MMRN1: variants seen among roughly 807,000 people sequenced by gnomAD.
MMRN1 encodes the protein multimerin 1.
MMRN1 carries 94 observed loss-of-function variants against 100.7 expected under a neutral mutation model. That is an observed-to-expected ratio of 0.93 (90% CI 0.79 to 1.11). The LOEUF is 1.11. Ranked by LOEUF, MMRN1 falls within the 50% of genes least tolerant of loss-of-function variation. The pLI is 0.00. For missense variants in MMRN1, 1,606 were observed against 1,439.1 expected, an observed-to-expected ratio of 1.12 and a Z score of -1.88; for synonymous variants, 575 against 505.0, an observed-to-expected ratio of 1.14 and a Z score of -1.86.
Position 89,953,684 on chromosome 4 carries a change from T to C in MMRN1, c.*266T>C. On this transcript the variant is annotated 3_prime_UTR_variant, in exon 8 of 8. Transcript: ENST00000264790. ...GTTAGCATAATTATTCCTATTCTTA[T>C]TTCTTCATTTTAAGTCATTGCAATG... 1 of 283,974 alleles carries C rather than the reference T, an allele frequency of 3.5e-6. No homozygotes were observed. 17.6% of individuals were successfully genotyped at this position (283,974 alleles called of 1,614,324 possible).
At chr4:89,889,600 A>G (rs1305516366) in intron 1 of MMRN1, among the ~76,000 whole-genome samples, 2 of 152,020 alleles carry the variant, frequency 1.3e-5, no homozygotes, top group African/African-American at 4.8e-5. Flanking sequence ...AGCATTGTTG[A>G]TTGTTCACTG....
chr4:89,893,262 A>G (rs930059418), upstream of MMRN1, among the ~76,000 whole-genome samples: 4 of 152,110 alleles, frequency 2.6e-5, no homozygotes, highest in Admixed American at 2.0e-4. Context: ...TTTTTACTCC[A>G]TATCAGAGTC....
chr4:89,917,088 C>T (rs1345198193), intron 3 of MMRN1, among the ~76,000 whole-genome samples: 1 of 151,422 alleles, frequency 6.6e-6, no homozygotes, highest in Non-Finnish European at 1.5e-5. Context: ...CCCACACATC[C>T]TCGTGTGTGT....
chr4:89,889,523 C>A (rs145554255), intron 1 of MMRN1, among the ~76,000 whole-genome samples: 1 of 152,092 alleles, frequency 6.6e-6, no homozygotes, highest in Non-Finnish European at 1.5e-5. Context: ...TTCGAACAAG[C>A]CAGTCACATC....
chr4:89,916,908 C>G (rs993709994), intron 3 of MMRN1, among the ~76,000 whole-genome samples: 2 of 151,676 alleles, frequency 1.3e-5, no homozygotes, highest in African/African-American at 2.4e-5. Context: ...AACTTTGATG[C>G]TCTTCATTTG....
intron 3 of MMRN1, among the ~76,000 whole-genome samples, chr4:89,916,592 T>G (rs906111696): frequency 1.3e-5 from 2 of 151,704 alleles, no homozygotes; most frequent in African/African-American, 4.8e-5. Flanking sequence ...TACTGAGGAA[T>G]GAATCATCAA....
At chr4:89,909,089 T>C (rs10433954) in intron 1 of MMRN1, among the ~76,000 whole-genome samples, 187 bp from the exon 2 acceptor site, 12,411 of 151,512 alleles carry the variant, frequency 0.082, 922 homozygotes, top group East Asian at 0.3. Flanking sequence ...TTATAGTCCC[T>C]GAGTACAGCA....
Position 89,912,009 on chromosome 4 carries a change from G to A in MMRN1, c.809G>A (p.Arg270Lys), listed in dbSNP as rs1302263899. 6.2e-7 allele frequency: 1 copy of A among 1,603,288 alleles called. No homozygotes were observed. Among genetic ancestry groups the A allele is most frequent in the Non-Finnish European group, 8.5e-7 (1 of 1,173,870 alleles). ...QHKIVTSLDW[R>K]CCPGYSGPKC... is the part of the protein sequence containing the mutation. ...AAAATTGTCACCTCATTGGATTGGA[G>A]GTGCTGTCCTGGATACAGTGGGCCG... The change falls in exon 3 of 8, where the codon AGG (arginine) becomes AAG (lysine). Residue 270 changes from arginine (R) to lysine (K), a missense_variant. Transcript: ENST00000264790.
At chr4:89,879,520 G>T (rs574684138), upstream of MMRN1, 1 of 152,218 alleles carries the variant, frequency 6.6e-6, no homozygotes, top group Non-Finnish European at 1.5e-5. Context: ...TGAATATTTG[G>T]AGACAGCCTA....
At chr4:89,881,872 T>C (rs1389770537) in intron 1 of MMRN1, among the ~76,000 whole-genome samples, 1 of 152,058 alleles carries the variant, frequency 6.6e-6, no homozygotes, top group Admixed American at 6.6e-5. Context: ...TTAACTATTA[T>C]TGAAAATATT....
At chr4:89,886,042 G>A (rs996253006) in intron 1 of MMRN1, among the ~76,000 whole-genome samples, 1 of 147,188 alleles carries the variant, frequency 6.8e-6, no homozygotes, top group African/African-American at 2.5e-5. Flanking sequence ...ACTATGCCTG[G>A]CTAATTTTTT....
intron 6 of MMRN1, among the ~76,000 whole-genome samples, chr4:89,944,273 A>G (rs891450008): frequency 2.0e-5 from 3 of 152,158 alleles, no homozygotes; most frequent in Non-Finnish European, 4.4e-5. Context: ...GATAACATCC[A>G]AGAAGTAAAA....
rs548803913 is a variant in MMRN1 at position 89,933,923 on chromosome 4, T to C, written c.1130-887T>C. Among the ~76,000 whole-genome samples the C allele has an allele frequency of 2.0e-5, 3 of 152,320 alleles. No homozygotes were observed. The East Asian group carries it at 5.8e-4, about 29-fold the overall frequency. ...TCTAGTATATGTATCTTTTCTGTTT[T>C]CTTTGTATGCAAGTTTTTTTATATT... On this transcript the variant is annotated intron_variant, in intron 5 of 7. Transcript: ENST00000264790.
intron 6 of MMRN1, among the ~76,000 whole-genome samples, chr4:89,938,333 A>T (rs1192735255): frequency 6.6e-6 from 1 of 151,168 alleles, no homozygotes; most frequent in Non-Finnish European, 1.5e-5. Flanking sequence ...ATGTTCTTAA[A>T]ATAACAATTT....
intron 5 of MMRN1, among the ~76,000 whole-genome samples, chr4:89,929,765 A>G (rs1299226818): frequency 6.6e-6 from 1 of 152,184 alleles, no homozygotes; most frequent in Non-Finnish European, 1.5e-5. Flanking sequence ...GAGGGCTTGT[A>G]GTTAATGAAT....
intron 3 of MMRN1, among the ~76,000 whole-genome samples, chr4:89,918,308 A>T (rs1721985595): frequency 6.6e-6 from 1 of 151,666 alleles, no homozygotes. Flanking sequence ...AAGCTGAAAA[A>T]GGATTGGCAT....
intron 5 of MMRN1, among the ~76,000 whole-genome samples, chr4:89,932,590 C>T (rs748002521): frequency 6.6e-6 from 1 of 152,168 alleles, no homozygotes; most frequent in Non-Finnish European, 1.5e-5. Flanking sequence ...GGTGGAGGTT[C>T]CCAAACCTCA....
intron 1 of MMRN1, among the ~76,000 whole-genome samples, chr4:89,889,133 A>G (rs1250905296): frequency 6.6e-6 from 1 of 152,166 alleles, no homozygotes; most frequent in East Asian, 1.9e-4. Flanking sequence ...AATATAAACC[A>G]AAATTGTTGT....
chr4:89,887,884 TA>T (rs994147791), intron 1 of MMRN1, among the ~76,000 whole-genome samples: 51 of 151,420 alleles, frequency 3.4e-4, no homozygotes, highest in African/African-American at 5.1e-4. Context: ...ACAGTCAAAT[TA>T]AAAAAAAATT....
Sources: allele counts gnomAD v4.1 joint callset (sites outside exome capture counted in the v4.1 genomes callset), GRCh38; gene constraint gnomAD v4.1.1; transcripts MANE v1.5; gene names NCBI Gene and HGNC (gene_info 2026-07-23, HGNC 2026-07-21).